The following NEGR1 variants were observed in gnomAD, a reference collection of about 807,000 sequenced individuals.
The protein encoded by NEGR1 is neuronal growth regulator 1.
NEGR1 carries 10 observed loss-of-function variants against 40.9 expected under a neutral mutation model. The ratio of observed to expected loss-of-function variants is 0.24; its 90% CI spans 0.15 to 0.42. The LOEUF (loss-of-function observed/expected upper bound fraction) is 0.42. NEGR1 is among the 10% of genes least tolerant of loss of function. The pLI, the probability that NEGR1 is intolerant of heterozygous loss-of-function variation, is 1.00. For missense variants in NEGR1, 352 were observed against 438.9 expected, an observed-to-expected ratio of 0.80 and a Z score of 1.77; for synonymous variants, 185 against 166.8, an observed-to-expected ratio of 1.11 and a Z score of -0.84.
chr1:71,740,354 G>GAGCA lies in NEGR1; in HGVS notation c.535+35817_535+35818insTGCT, dbSNP rs1436929531. The stretch of plus-strand genomic sequence containing the variant: ...TTCTTTAGGTTTGCTCTGCTACTCT[G>GAGCA]TATCTTATATGGTTGTTAGATACTG... On this transcript the variant is annotated intron_variant, in intron 3 of 6. Transcript: ENST00000357731. Among the ~76,000 whole-genome samples the GAGCA allele has an allele frequency of 2.0e-3, 311 of 152,192 alleles. 1 individual carries two copies. The highest frequency in any genetic ancestry group is 7.1e-3 in the African/African-American group (295 of 41,530).
At chr1:72,111,873 T>C (rs972693748) in intron 1 of NEGR1, among the ~76,000 whole-genome samples, 1 of 151,832 alleles carries the variant, frequency 6.6e-6, no homozygotes, top group Non-Finnish European at 1.5e-5. Context: ...AATTTGCATG[T>C]ACATACATCC....
chr1:71,811,169 C>G lies in NEGR1; in HGVS notation c.410-34872G>C, dbSNP rs143303595. On this transcript the variant is annotated intron_variant, in intron 2 of 6. Transcript: ENST00000357731. ...GATTATATTTACCTCCTAAATCCTT[C>G]GGGGAACTGTAACCATCTCCATGAC... Among the ~76,000 whole-genome samples the G allele has an allele frequency of 3.4e-3, 512 of 152,150 alleles. 5 individuals carry two copies. Among genetic ancestry groups the G allele is most frequent in the African/African-American group, 0.012 (493 of 41,532 alleles).
intron 1 of NEGR1, among the ~76,000 whole-genome samples, chr1:72,166,709 T>C (rs1312632796): frequency 2.0e-5 from 3 of 151,906 alleles, no homozygotes; most frequent in Non-Finnish European, 4.4e-5. Context: ...CTTATAAGAG[T>C]TGTTCTCATA....
intron 3 of NEGR1, among the ~76,000 whole-genome samples, chr1:71,743,141 A>C (rs1655270184): frequency 1.3e-5 from 2 of 152,210 alleles, no homozygotes; most frequent in Non-Finnish European, 2.9e-5. Context: ...AACTGTGAGA[A>C]ATAAATGTTT....
chr1:71,639,965 G>A (rs1169426663), intron 4 of NEGR1, among the ~76,000 whole-genome samples: 1 of 151,990 alleles, frequency 6.6e-6, no homozygotes, highest in Non-Finnish European at 1.5e-5. Context: ...AATATCCATG[G>A]ATCGAAGCAG....
At chr1:71,544,169 T>C (rs1397660711) in intron 6 of NEGR1, among the ~76,000 whole-genome samples, 2 of 151,718 alleles carry the variant, frequency 1.3e-5, no homozygotes, top group Admixed American at 6.6e-5. Flanking sequence ...AAATAGTATA[T>C]GTTTTAGGTG....
At chr1:71,677,867 A>C (rs1028640312) in intron 4 of NEGR1, among the ~76,000 whole-genome samples, 2 of 152,202 alleles carry the variant, frequency 1.3e-5, no homozygotes, top group African/African-American at 4.8e-5. Context: ...AATCAAGATT[A>C]TTAAGCATAA....
intron 4 of NEGR1, among the ~76,000 whole-genome samples, chr1:71,618,806 T>C (rs1378661943): frequency 6.6e-6 from 1 of 152,164 alleles, no homozygotes; most frequent in Admixed American, 6.5e-5. Context: ...TGCTGTCTTT[T>C]TGGACAGACC....
intron 1 of NEGR1, among the ~76,000 whole-genome samples, chr1:72,170,367 T>C (rs973659338): frequency 6.6e-6 from 1 of 152,174 alleles, no homozygotes; most frequent in Non-Finnish European, 1.5e-5. Flanking sequence ...TAACACACTG[T>C]AAGTTCTTCT....
At chr1:71,580,861 T>C (rs2101504890) in intron 6 of NEGR1, among the ~76,000 whole-genome samples, 1 of 152,268 alleles carries the variant, frequency 6.6e-6, no homozygotes, top group East Asian at 1.9e-4. Flanking sequence ...AGAAATTGTG[T>C]TCTCCTTTAT....
At chr1:71,750,396 C>T (rs1006960731) in intron 3 of NEGR1, among the ~76,000 whole-genome samples, 1 of 152,118 alleles carries the variant, frequency 6.6e-6, no homozygotes, top group Admixed American at 6.6e-5. Flanking sequence ...CTGATTTCCC[C>T]AGAAAGTATA....
intron 2 of NEGR1, among the ~76,000 whole-genome samples, chr1:71,883,259 TTA>T (rs1485764332): frequency 6.6e-6 from 1 of 152,028 alleles, no homozygotes; most frequent in Non-Finnish European, 1.5e-5. Context: ...TTCTATAATG[TTA>T]TACATTATAT....
intron 6 of NEGR1, among the ~76,000 whole-genome samples, chr1:71,494,046 A>AG (rs1646946511): frequency 6.6e-6 from 1 of 152,172 alleles, no homozygotes; most frequent in African/African-American, 2.4e-5. Context: ...ACAGTGTAAT[A>AG]AGGAATTTCA....
At chr1:72,079,562 C>T (rs911997346) in intron 1 of NEGR1, among the ~76,000 whole-genome samples, 2 of 151,956 alleles carry the variant, frequency 1.3e-5, no homozygotes, top group African/African-American at 4.8e-5. Flanking sequence ...TTCTTAAGAA[C>T]ATGACAAGTA....
intron 1 of NEGR1, among the ~76,000 whole-genome samples, chr1:72,109,511 G>A (rs1385068431): frequency 1.3e-5 from 2 of 151,436 alleles, no homozygotes; most frequent in African/African-American, 2.4e-5. Flanking sequence ...CTGATTCTAT[G>A]GTATCTTTTG....
intron 3 of NEGR1, among the ~76,000 whole-genome samples, chr1:71,745,098 C>T (rs1655340693): frequency 6.6e-6 from 1 of 152,100 alleles, no homozygotes; most frequent in Admixed American, 6.5e-5. Flanking sequence ...AAAATTAAAA[C>T]TTCTCTCTTT....
chr1:72,062,899 T>G (rs1647200851), intron 1 of NEGR1, among the ~76,000 whole-genome samples: 1 of 151,918 alleles, frequency 6.6e-6, no homozygotes, highest in South Asian at 2.1e-4. Context: ...AGAAGGAGTT[T>G]TTCAGCTTCA....
intron 2 of NEGR1, among the ~76,000 whole-genome samples, chr1:71,831,571 T>C (rs539816250): frequency 5.2e-4 from 79 of 152,078 alleles, no homozygotes; most frequent in African/African-American, 1.9e-3. Flanking sequence ...TGAAAAATTG[T>C]TTTCTGTCAT....
intron 1 of NEGR1, among the ~76,000 whole-genome samples, chr1:72,221,660 CTTAAACA>C (rs1654014870): frequency 6.6e-6 from 1 of 152,044 alleles, no homozygotes; most frequent in Non-Finnish European, 1.5e-5. Flanking sequence ...AGAAAGTAGC[CTTAAACA>C]TTAGTTGACT....
Sources: allele counts gnomAD v4.1 joint callset (sites outside exome capture counted in the v4.1 genomes callset), GRCh38; gene constraint gnomAD v4.1.1; transcripts MANE v1.5; gene names NCBI Gene and HGNC (gene_info 2026-07-23, HGNC 2026-07-21).